TNFRSF13B: variants seen among roughly 807,000 people sequenced by gnomAD.
TNFRSF13B encodes TNF receptor superfamily member 13B.
Under a neutral mutation model 24.0 loss-of-function variants are expected in TNFRSF13B, and 34 were observed. The observed-to-expected ratio is 1.41, with a 90% CI of 1.08 to 1.88. TNFRSF13B has a LOEUF of 1.88. Ranked by LOEUF, TNFRSF13B falls within the 40% of genes most tolerant of loss-of-function variation. TNFRSF13B has a pLI of 0.00. For synonymous variants in TNFRSF13B, 173 were observed against 150.3 expected, an observed-to-expected ratio of 1.15 and a Z score of -1.10; for missense variants, 415 against 380.8, an observed-to-expected ratio of 1.09 and a Z score of -0.75.
rs1324088553 is a variant in TNFRSF13B, at chr17:16,939,312, CCTCTCTCCTTCTCTGCCTGT to C, written c.*215_*234del. 5.9e-6 allele frequency: 3 copies of C among 507,404 alleles called. No individual in the cohort carries two copies. Among genetic ancestry groups the C allele is most frequent in the Non-Finnish European group, 6.8e-6 (2 of 292,248 alleles). 31.4% of individuals were successfully genotyped at this position (507,404 alleles called of 1,614,324 possible). A position where few individuals can be genotyped will look rare whatever the true frequency, so the allele number is the denominator to read the frequency against. On this transcript the variant is annotated 3_prime_UTR_variant, in exon 5 of 5. Transcript: ENST00000261652. ...CCCTCTCTGCCTCTCTCCCTCTCTG[CCTCTCTCCTTCTCTGCCTGT>C]CTCTTTCCTTCTCTGCCTCTTTCCC... is the stretch of plus-strand genomic sequence containing the variant.
chr17:16,966,305 C>T (rs1312036181), intron 1 of TNFRSF13B, among the ~76,000 whole-genome samples: 1 of 151,196 alleles, frequency 6.6e-6, no homozygotes, highest in African/African-American at 2.4e-5. Flanking sequence ...CAACAAAAAC[C>T]CCAAAACTTC....
intron 3 of TNFRSF13B, among the ~76,000 whole-genome samples, chr17:16,948,335 T>A (rs2087563227): frequency 6.7e-6 from 1 of 148,572 alleles, no homozygotes; most frequent in Non-Finnish European, 1.5e-5. Flanking sequence ...CCCCCGGATC[T>A]AAAAAAAAAA....
At chr17:16,963,742 G>C (rs959750380) in intron 1 of TNFRSF13B, among the ~76,000 whole-genome samples, 1 of 152,140 alleles carries the variant, frequency 6.6e-6, no homozygotes, top group Admixed American at 6.5e-5. Flanking sequence ...AGTAGAGACA[G>C]GGTTTCACCG....
chr17:16,965,509 A>G (rs1054838369), intron 1 of TNFRSF13B, among the ~76,000 whole-genome samples: 4 of 152,242 alleles, frequency 2.6e-5, no homozygotes, highest in African/African-American at 7.2e-5. Context: ...GTAGCTGGAT[A>G]TAGTTGTACT....
intron 1 of TNFRSF13B, among the ~76,000 whole-genome samples, chr17:16,962,929 C>A (rs146622501): frequency 2.4e-3 from 361 of 152,280 alleles, no homozygotes; most frequent in African/African-American, 8.4e-3. Context: ...AGTGGGGAAT[C>A]AATCCAGAGC....
chr17:16,969,537 G>A (rs949017015), intron 1 of TNFRSF13B, among the ~76,000 whole-genome samples: 2 of 152,200 alleles, frequency 1.3e-5, no homozygotes, highest in African/African-American at 4.8e-5. Flanking sequence ...CCTGGGGCTA[G>A]GGAGGAATGA....
chr17:16,969,396 C>T (rs564395175), intron 1 of TNFRSF13B, among the ~76,000 whole-genome samples: 3 of 152,288 alleles, frequency 2.0e-5, no homozygotes, highest in Non-Finnish European at 2.9e-5. Flanking sequence ...GTACTGATAC[C>T]TGCTACAACA....
intron 1 of TNFRSF13B, among the ~76,000 whole-genome samples, chr17:16,954,669 AGATTTG>A (rs1279007905): frequency 1.3e-5 from 2 of 152,240 alleles, no homozygotes; most frequent in African/African-American, 2.4e-5. Context: ...GGAAGTCTCC[AGATTTG>A]GAGGCACCAC....
At chr17:16,943,093 A>T (rs924998129) in intron 3 of TNFRSF13B, among the ~76,000 whole-genome samples, 1 of 152,184 alleles carries the variant, frequency 6.6e-6, no homozygotes, top group Non-Finnish European at 1.5e-5. Flanking sequence ...CAAGCCTCCA[A>T]TGGCTCTATC....
At chr17:16,939,949 T>C in intron 4 of TNFRSF13B, 152 bp from the exon 5 acceptor site, 1 of 1,174,948 alleles carries the variant, frequency 8.5e-7, no homozygotes, top group Non-Finnish European at 1.2e-6. Flanking sequence ...GTCCGCCAGT[T>C]GCTGACCAGA....
intron 1 of TNFRSF13B, among the ~76,000 whole-genome samples, chr17:16,969,322 G>A (rs1184738376): frequency 2.6e-5 from 4 of 152,168 alleles, no homozygotes; most frequent in Admixed American, 2.0e-4. Flanking sequence ...ATCCACCGAT[G>A]ACTGGAAAAG....
chr17:16,948,735 T>C lies in TNFRSF13B; in HGVS notation c.445+3A>G, dbSNP rs755429421. 3 of 1,613,818 alleles carry C rather than the reference T, an allele frequency of 1.9e-6. No homozygotes were observed. The highest frequency in any genetic ancestry group is 3.3e-5 in the Admixed American group (2 of 60,026). On this transcript the variant is annotated splice_donor_region_variant and intron_variant, in intron 3 of 4. Coordinates refer to ENST00000261652, the MANE Select transcript of TNFRSF13B (RefSeq NM_012452.3). ...CCATGCAGGTTTGCCTTGGGTGGCT[T>C]ACCTGGACTTGCTTCTGAGCCTCTG...
chr17:16,965,290 T>C (rs1482395905), intron 1 of TNFRSF13B, among the ~76,000 whole-genome samples: 2 of 152,110 alleles, frequency 1.3e-5, no homozygotes. Flanking sequence ...TCATTAATAA[T>C]GATAGTAGCA....
intron 2 of TNFRSF13B, among the ~76,000 whole-genome samples, chr17:16,949,352 A>T (rs2087572703): frequency 6.6e-6 from 1 of 152,156 alleles, no homozygotes; most frequent in Non-Finnish European, 1.5e-5. Flanking sequence ...GTTACATAAG[A>T]CTTTTACTTG....
intron 3 of TNFRSF13B, among the ~76,000 whole-genome samples, chr17:16,946,559 A>ATTATTT (rs141803335): frequency 2.0e-5 from 3 of 147,934 alleles, no homozygotes; most frequent in East Asian, 4.1e-4. Context: ...CTTATTTTTT[A>ATTATTT]TTATTTTTAT....
In TNFRSF13B at chr17:16,971,996, C is replaced by A. The variant is rs1413324621; in HGVS notation, c.61+19G>T. The A allele has an allele frequency of 6.2e-7, 1 of 1,613,910 alleles. No individual in the cohort carries two copies. The highest frequency in any genetic ancestry group is 8.5e-7 in the Non-Finnish European group (1 of 1,179,978). On this transcript the variant is annotated intron_variant, in intron 1 of 4. Transcript: ENST00000261652. Reference sequence around the variant, plus strand: ...CACACCTCCCACCTGCCCTCCTGCCCTCCTGCCCGGCTACTCACAGCGCTC... The same window carrying A: ...CACACCTCCCACCTGCCCTCCTGCCATCCTGCCCGGCTACTCACAGCGCTC...
At chr17:16,969,321 T>C (rs995256613) in intron 1 of TNFRSF13B, among the ~76,000 whole-genome samples, 2 of 152,200 alleles carry the variant, frequency 1.3e-5, no homozygotes, top group Non-Finnish European at 2.9e-5. Flanking sequence ...CATCCACCGA[T>C]GACTGGAAAA....
intron 1 of TNFRSF13B, among the ~76,000 whole-genome samples, chr17:16,965,136 G>T (rs1176225980): frequency 6.6e-6 from 1 of 151,796 alleles, no homozygotes; most frequent in East Asian, 1.9e-4. Flanking sequence ...TAGAGACAGG[G>T]TCTTGCTCTG....
In TNFRSF13B at chr17:16,939,567, C is replaced by T; in HGVS notation, c.862G>A (p.Glu288Lys). 6.2e-7 allele frequency: 1 copy of T among 1,613,564 alleles called. No individual in the cohort carries two copies. Residue 288 changes from glutamate to lysine, a missense_variant, in exon 5 of 5, where the codon GAG becomes AAG. Coordinates refer to ENST00000261652, the MANE Select transcript of TNFRSF13B (RefSeq NM_012452.3). Reference sequence around the variant, plus strand: ...CCCATTTATGCACCTGGGCCCCCCTCCTGGGCAGGCACACACACAATGCCA... The same window carrying T: ...CCCATTTATGCACCTGGGCCCCCCTTCTGGGCAGGCACACACACAATGCCA... The part of the protein sequence containing the change: ...GLGIVCVPAQ[E>K]GGPGA
Sources: allele counts gnomAD v4.1 joint callset (sites outside exome capture counted in the v4.1 genomes callset), GRCh38; gene constraint gnomAD v4.1.1; transcripts MANE v1.5; gene names NCBI Gene and HGNC (gene_info 2026-07-23, HGNC 2026-07-21).